SPMIP11: variants seen among roughly 807,000 people sequenced by gnomAD.
The protein encoded by SPMIP11 is long intergenic non-protein coding RNA 935.
At chr12:48,759,418 G>A in the SPMIP11 span, 2 of 669,904 alleles carry the variant, frequency 3.0e-6, no homozygotes, top group Non-Finnish European at 5.5e-6. Context: ...GCCGGGCTTG[G>A]TGGCTCATGT....
At chr12:48,759,365 A>T in the SPMIP11 span, 1 of 700,428 alleles carries the variant, frequency 1.4e-6, no homozygotes, top group Non-Finnish European at 2.6e-6. Context: ...ATGCTAGGAG[A>T]AAAAAAGATA....
chr12:48,743,469 C>T, the SPMIP11 span, among the ~76,000 whole-genome samples: 2 of 152,114 alleles, frequency 1.3e-5, no homozygotes, highest in Admixed American at 6.6e-5. Context: ...CATAAATTGT[C>T]GGGAGAGAAG....
chr12:48,762,170 T>C, the SPMIP11 span, among the ~76,000 whole-genome samples: 4 of 144,046 alleles, frequency 2.8e-5, no homozygotes, highest in Admixed American at 7.2e-5. Flanking sequence ...GCCATTCTCC[T>C]GCCTCAGCCT....
At chr12:48,728,007 C>A in the SPMIP11 span, among the ~76,000 whole-genome samples, 1 of 150,702 alleles carries the variant, frequency 6.6e-6, no homozygotes, top group Admixed American at 6.6e-5. Context: ...GCCATGATCA[C>A]ACCACCGTAC....
the SPMIP11 span, among the ~76,000 whole-genome samples, chr12:48,744,739 TAAAG>T: frequency 6.4e-5 from 7 of 108,722 alleles, no homozygotes; most frequent in Admixed American, 4.7e-4. Flanking sequence ...ATAATAATAA[TAAAG>T]AAGAAGAAGA....
At chr12:48,732,072 C>A in the SPMIP11 span, among the ~76,000 whole-genome samples, 1 of 151,088 alleles carries the variant, frequency 6.6e-6, no homozygotes, top group Non-Finnish European at 1.5e-5. Context: ...TCTCTTGAAC[C>A]TGGGAGGTGG....
At chr12:48,743,668 G>A in the SPMIP11 span, among the ~76,000 whole-genome samples, 1 of 151,740 alleles carries the variant, frequency 6.6e-6, no homozygotes, top group Non-Finnish European at 1.5e-5. Flanking sequence ...ATAGCCAGCT[G>A]CTGTGGCTCA....
the SPMIP11 span, among the ~76,000 whole-genome samples, chr12:48,761,657 C>T: frequency 6.8e-6 from 1 of 147,014 alleles, no homozygotes; most frequent in Non-Finnish European, 1.5e-5. Context: ...ATGATGTAAG[C>T]TGATAAAAAA....
At chr12:48,771,284 T>G in the SPMIP11 span, 13 of 486,910 alleles carry the variant, frequency 2.7e-5, no homozygotes, top group South Asian at 2.7e-4. The surrounding 1 kb of genome is among the most constrained non-coding windows in gnomAD (Gnocchi z 4.3). Context: ...AGTGAGCAAG[T>G]GACTTCCCTC....
chr12:48,760,132 G>A, the SPMIP11 span, among the ~76,000 whole-genome samples: 1 of 151,916 alleles, frequency 6.6e-6, no homozygotes, highest in Non-Finnish European at 1.5e-5. Flanking sequence ...GGAAGCAGAA[G>A]ATGTTTGAGT....
the SPMIP11 span, among the ~76,000 whole-genome samples, chr12:48,728,491 G>T: frequency 6.6e-6 from 1 of 151,996 alleles, no homozygotes; most frequent in Non-Finnish European, 1.5e-5. Flanking sequence ...GGCGGATCAC[G>T]AGGTCAGGAG....
chr12:48,743,956 A>G, the SPMIP11 span, among the ~76,000 whole-genome samples: 1 of 149,432 alleles, frequency 6.7e-6, no homozygotes, highest in African/African-American at 2.5e-5. Context: ...AAAAAAAAAA[A>G]AAAAAAATTG....
the SPMIP11 span, among the ~76,000 whole-genome samples, chr12:48,743,028 G>T: frequency 2.0e-5 from 3 of 152,184 alleles, no homozygotes; most frequent in East Asian, 1.9e-4. Context: ...TGGGCCAATT[G>T]CTTGAGCCCA....
chr12:48,741,894 C>G, the SPMIP11 span, among the ~76,000 whole-genome samples: 1 of 152,142 alleles, frequency 6.6e-6, no homozygotes, highest in Admixed American at 6.6e-5. Flanking sequence ...CCGCCCCAGC[C>G]TCCCTAAGTA....
the SPMIP11 span, among the ~76,000 whole-genome samples, chr12:48,734,742 C>T: frequency 3.9e-5 from 6 of 152,104 alleles, no homozygotes; most frequent in African/African-American, 1.4e-4. Flanking sequence ...TGGCTCACGC[C>T]TGTAATCCCA....
the SPMIP11 span, among the ~76,000 whole-genome samples, chr12:48,757,237 T>C: frequency 2.0e-5 from 3 of 152,124 alleles, no homozygotes; most frequent in Admixed American, 6.6e-5. Context: ...TCACCAAGTC[T>C]TGCTCTTCTG....
the SPMIP11 span, among the ~76,000 whole-genome samples, chr12:48,734,352 C>T: frequency 1.3e-5 from 2 of 152,238 alleles, no homozygotes; most frequent in East Asian, 1.9e-4. Flanking sequence ...CTCAAGGAAT[C>T]CTCCCGCCCC....
chr12:48,768,708 C>T, the SPMIP11 span: 59 of 1,613,864 alleles, frequency 3.7e-5, 1 homozygote, highest in Non-Finnish European at 4.8e-5. Context: ...GGTACAGGTC[C>T]GTGGTCACCT....
chr12:48,756,939 C>G, the SPMIP11 span, among the ~76,000 whole-genome samples: 3 of 151,868 alleles, frequency 2.0e-5, no homozygotes, highest in African/African-American at 7.3e-5. Flanking sequence ...CTACTCCTGG[C>G]TAATTTTTGT....
Sources: allele counts gnomAD v4.1 joint callset (sites outside exome capture counted in the v4.1 genomes callset), GRCh38; gene constraint gnomAD v4.1.1; non-coding constraint Gnocchi (gnomAD v3.1); transcripts MANE v1.5; gene names NCBI Gene and HGNC (gene_info 2026-07-23, HGNC 2026-07-21).